The following GTF2IRD1 variants were observed in gnomAD, a reference collection of about 807,000 sequenced individuals.
The protein encoded by GTF2IRD1 is GTF2I repeat domain containing 1.
A neutral mutation model predicts 113.2 loss-of-function variants in GTF2IRD1; 26 were observed. The observed-to-expected ratio is 0.23, with a 90% CI of 0.17 to 0.32. The LOEUF is 0.32. Among genes scored for constraint, GTF2IRD1 ranks in the 10% least tolerant of loss-of-function variants. The pLI is 1.00. For missense variants in GTF2IRD1, 864 were observed against 1,280.8 expected, an observed-to-expected ratio of 0.67 and a Z score of 4.97; for synonymous variants, 484 against 529.1, an observed-to-expected ratio of 0.91 and a Z score of 1.17.
rs187006727 is a variant in GTF2IRD1 at position 74,572,621 on chromosome 7, G to C, written c.2320+12966G>C. ...AAGACTTGAGAGTCATTTCCTTGTC[G>C]CCAATCACACACAGGCACACACCCT... On this transcript the variant is annotated intron_variant, in intron 22 of 26. Transcript: ENST00000424337. The C allele has an allele frequency of 8.7e-6, 8 of 921,156 alleles. No homozygotes were observed. The African/African-American group carries it at 1.1e-4, about 12-fold the overall frequency. 57.1% of individuals were successfully genotyped at this position (921,156 alleles called of 1,614,324 possible).
chr7:74,495,073 T>A, intron 1 of GTF2IRD1, among the ~76,000 whole-genome samples: 1 of 152,174 alleles, frequency 6.6e-6, no homozygotes, highest in Non-Finnish European at 1.5e-5. Flanking sequence ...ATTGTCAGAT[T>A]TAAAACCATT....
intron 1 of GTF2IRD1, chr7:74,506,942 C>G (rs1457272312): frequency 1.3e-5 from 2 of 152,296 alleles, no homozygotes; most frequent in East Asian, 3.9e-4. Flanking sequence ...GACAAAGCAG[C>G]CTCGGCCCTG....
At chr7:74,589,748 G>GAATGT in intron 22 of GTF2IRD1, 103 bp from the exon 23 acceptor site, 1 of 710,062 alleles carries the variant, frequency 1.4e-6, no homozygotes, top group Non-Finnish European at 2.6e-6. Context: ...GCCCTGCAGA[G>GAATGT]AATGTAATGT....
intron 8 of GTF2IRD1, 72 bp from the exon 9 acceptor site, chr7:74,529,662 C>A (rs1797842058): frequency 5.2e-6 from 7 of 1,348,408 alleles, no homozygotes; most frequent in Non-Finnish European, 1.0e-6. Flanking sequence ...GTGATGGGGA[C>A]CGCAGCTCCC....
intron 1 of GTF2IRD1, among the ~76,000 whole-genome samples, chr7:74,470,728 G>A (rs1443212622): frequency 3.3e-5 from 5 of 152,112 alleles, no homozygotes; most frequent in South Asian, 2.1e-4. Context: ...ACACCACCAC[G>A]GGGAAACCTC....
At chr7:74,496,465 GTT>G (rs552105553) in intron 1 of GTF2IRD1, among the ~76,000 whole-genome samples, 1,463 of 137,956 alleles carry the variant, frequency 0.011, 11 homozygotes, top group Middle Eastern at 0.026. Context: ...GTGCATGTGT[GTT>G]CATGTGGGTG....
chr7:74,461,338 G>T (rs1793352119), intron 1 of GTF2IRD1, among the ~76,000 whole-genome samples: 1 of 152,182 alleles, frequency 6.6e-6, no homozygotes, highest in African/African-American at 2.4e-5. Flanking sequence ...CAGGCTGTTT[G>T]TGTCTTAGAT....
intron 14 of GTF2IRD1, 125 bp downstream of exon 14, chr7:74,540,093 A>G (rs1583833994): frequency 3.1e-6 from 2 of 650,280 alleles, no homozygotes; most frequent in East Asian, 2.7e-5. Flanking sequence ...AGGAAACCCA[A>G]TATATGCCTG....
chr7:74,547,417 G>A, intron 17 of GTF2IRD1, 131 bp downstream of exon 17: 1 of 666,282 alleles, frequency 1.5e-6, no homozygotes, highest in Non-Finnish European at 2.6e-6. Flanking sequence ...ACAGGTGTGA[G>A]GTGTGTGCCA....
chr7:74,600,876 A>G, intron 25 of GTF2IRD1, 168 bp from the exon 26 acceptor site: 1 of 663,542 alleles, frequency 1.5e-6, no homozygotes, highest in Non-Finnish European at 2.6e-6. Context: ...AGGAGGCTGG[A>G]CATGTGGGCT....
intron 7 of GTF2IRD1, among the ~76,000 whole-genome samples, chr7:74,523,793 C>T (rs1376019831): frequency 3.3e-5 from 5 of 152,068 alleles, no homozygotes; most frequent in African/African-American, 9.7e-5. Flanking sequence ...TCCTGTATGT[C>T]TGGGGCAGGA....
intron 25 of GTF2IRD1, among the ~76,000 whole-genome samples, chr7:74,598,078 C>A (rs1802529221): frequency 6.6e-6 from 1 of 152,140 alleles, no homozygotes. Context: ...TAAAAATTAG[C>A]CAGGCGTGGT....
intron 22 of GTF2IRD1, among the ~76,000 whole-genome samples, chr7:74,584,953 C>T (rs1801630250): frequency 6.6e-6 from 1 of 152,046 alleles, no homozygotes; most frequent in Non-Finnish European, 1.5e-5. Context: ...AGGCACCTGC[C>T]ACCACGCCTG....
intron 8 of GTF2IRD1, among the ~76,000 whole-genome samples, chr7:74,529,156 C>T (rs1554348048): frequency 6.6e-6 from 1 of 152,002 alleles, no homozygotes; most frequent in Non-Finnish European, 1.5e-5. Context: ...GTAGGGGGAG[C>T]ACACAGAGGC....
intron 25 of GTF2IRD1, among the ~76,000 whole-genome samples, chr7:74,599,314 G>A (rs1345656980): frequency 6.6e-6 from 1 of 152,106 alleles, no homozygotes; most frequent in Non-Finnish European, 1.5e-5. Context: ...GCTGGGCGAG[G>A]TTTCCATGCA....
At chr7:74,462,181 C>G (rs1262850460) in intron 1 of GTF2IRD1, among the ~76,000 whole-genome samples, 2 of 151,582 alleles carry the variant, frequency 1.3e-5, no homozygotes, top group African/African-American at 4.9e-5. Context: ...TGAGACCAGC[C>G]TGGGCAACAT....
At chr7:74,535,172 T>G (rs1002407735) in intron 10 of GTF2IRD1, 34 bp downstream of exon 10, 7 of 1,591,784 alleles carry the variant, frequency 4.4e-6, no homozygotes, top group South Asian at 1.1e-5. Flanking sequence ...TTCTGAAGTT[T>G]CCGGATTGGT....
rs112429303 is a variant in GTF2IRD1 at position 74,574,846 on chromosome 7, C to T, written c.2321-15005C>T. On this transcript the variant is annotated intron_variant, in intron 22 of 26. Coordinates refer to ENST00000424337, the MANE Select transcript of GTF2IRD1 (RefSeq NM_005685.4). ...GTTCACGTCTGTAATCCCAGCACTT[C>T]GGGAGGCTGAGGTGGGCGGATCACC... Among the ~76,000 whole-genome samples the T allele has an allele frequency of 5.7e-3, 857 of 151,246 alleles. 9 individuals carry two copies. Among genetic ancestry groups the T allele is most frequent in the African/African-American group, 0.019 (771 of 41,222 alleles).
rs782099090 is a variant in GTF2IRD1, at chr7:74,547,251, G to T, written c.1881G>T (p.Leu627=). The T allele has an allele frequency of 6.2e-7, 1 of 1,612,622 alleles. No individual in the cohort carries two copies. The highest frequency in any genetic ancestry group is 8.5e-7 in the Non-Finnish European group (1 of 1,179,776). The stretch of plus-strand genomic sequence containing the variant: ...GGATCGCCAAGCTCCGGAAGATTCT[G>T]GAGGCCAGCAACAGCATCCAGTTTG... The part of the protein sequence containing the change: ...CFGIAKLRKI[L]EASNSIQFVI... The change falls in exon 17 of 27, where the codon CTG becomes CTT. Residue 627 remains leucine, a synonymous_variant. Transcript: ENST00000424337.
Sources: gnomAD v4.1 joint callset for allele counts (sites outside exome capture counted in the v4.1 genomes callset) on GRCh38, gnomAD v4.1.1 for gene constraint, MANE v1.5 for transcripts, NCBI Gene and HGNC (gene_info 2026-07-23, HGNC 2026-07-21) for gene names.